The following ZNF529 variants were observed in gnomAD, a reference collection of about 807,000 sequenced individuals.
The protein encoded by ZNF529 is zinc finger protein 529.
ZNF529 carries 11 observed loss-of-function variants against 10.1 expected under a neutral mutation model. That is an observed-to-expected ratio of 1.09 (90% confidence interval 0.69 to 1.81). The LOEUF is 1.81. ZNF529 is among the 40% of genes most tolerant of loss of function. The pLI is 0.00. For missense variants in ZNF529, 624 were observed against 666.8 expected (o/e 0.94, Z 0.71); for synonymous variants, 204 against 215.7 (o/e 0.95, Z 0.47).
intron 1 of ZNF529, among the ~76,000 whole-genome samples, chr19:36,595,867 A>G (rs1161383368): frequency 2.6e-5 from 4 of 151,978 alleles, no homozygotes; most frequent in Non-Finnish European, 5.9e-5. Context: ...ATAAATAAAT[A>G]TATATGGTAC....
rs141671246 is a variant in ZNF529 at position 36,603,899 on chromosome 19, G to A, written c.-128+1227C>T. Among the ~76,000 whole-genome samples, 292 of 152,306 alleles carry A rather than the reference G, an allele frequency of 1.9e-3. 2 individuals carry two copies. Among genetic ancestry groups the A allele is most frequent in the African/African-American group, 6.8e-3 (284 of 41,566 alleles). The stretch of plus-strand genomic sequence containing the variant: ...CAGAGCTTCCAAAAGGGATCTTTTG[G>A]CTAGGCACGGTGGCTCACGCCTGTA... On this transcript the variant is annotated intron_variant, in intron 1 of 4. Transcript: ENST00000585960.
chr19:36,556,131 T>C lies in ZNF529; in HGVS notation c.81A>G (p.Gln27=), dbSNP rs780160827. Residue 27 remains glutamine (Q), a synonymous_variant, in exon 3 of 5, where the codon CAA becomes CAG. Coordinates refer to ENST00000591340, the MANE Select transcript of ZNF529 (RefSeq NM_020951.5). The part of the protein sequence containing the change: ...AVMPEVEFPD[Q]FFTVLTMDHE... ...GGTCCATGGTTAGAACTGTAAAGAA[T>C]TGGTCAGGGAATTCCACTTCTGGCA... 1.3e-6 allele frequency: 2 copies of C among 1,549,630 alleles called. No individual in the cohort carries two copies. Among genetic ancestry groups the C allele is most frequent in the Non-Finnish European group, 1.7e-6 (2 of 1,145,172 alleles).
intron 1 of ZNF529, chr19:36,604,917 C>T (rs1252126909): frequency 1.3e-5 from 2 of 149,030 alleles, no homozygotes. Context: ...CCCCCCGGGA[C>T]CATCACAGGC....
chr19:36,588,384 C>G (rs1483345615), intron 2 of ZNF529, among the ~76,000 whole-genome samples: 1 of 152,054 alleles, frequency 6.6e-6, no homozygotes, highest in African/African-American at 2.4e-5. Context: ...CTCCTAGTGT[C>G]CACTCCCTGC....
chr19:36,604,198 C>A (rs973240778), intron 1 of ZNF529, among the ~76,000 whole-genome samples: 27 of 152,080 alleles, frequency 1.8e-4, no homozygotes, highest in African/African-American at 5.8e-4. Context: ...CACACAAAAT[C>A]TTTGGAGAAA....
intron 2 of ZNF529, among the ~76,000 whole-genome samples, chr19:36,588,025 G>A (rs1369591883): frequency 6.6e-6 from 1 of 152,186 alleles, no homozygotes; most frequent in Non-Finnish European, 1.5e-5. Context: ...GCATGTGCCT[G>A]TAATCCCAGC....
chr19:36,577,384 C>T (rs531772402), upstream of ZNF529: 2 of 294,256 alleles, frequency 6.8e-6, no homozygotes, highest in South Asian at 5.3e-5. Flanking sequence ...CACTGTTTCC[C>T]TTCTAGTCAT....
At chr19:36,575,701 T>C (rs1465668550), upstream of ZNF529, among the ~76,000 whole-genome samples, 1 of 152,156 alleles carries the variant, frequency 6.6e-6, no homozygotes, top group African/African-American at 2.4e-5. Context: ...TACTTTCTTC[T>C]CTACTTCCCC....
In ZNF529 at chr19:36,572,353, C is replaced by T; in HGVS notation, c.-7G>A. The T allele has an allele frequency of 2.5e-5, 39 of 1,550,998 alleles. No homozygotes were observed. Among genetic ancestry groups the T allele is most frequent in the Non-Finnish European group, 3.3e-5 (38 of 1,146,830 alleles). The stretch of plus-strand genomic sequence containing the variant: ...CTAACCTTGAGTTGGCCATTAGTAC[C>T]AATGCTGTCTTCCACTTCAGGGGGC... On this transcript the variant is annotated 5_prime_UTR_variant, in exon 2 of 5. Transcript: ENST00000591340.
At chr19:36,560,633 G>A (rs1400145272) in intron 2 of ZNF529, among the ~76,000 whole-genome samples, 5 of 152,032 alleles carry the variant, frequency 3.3e-5, no homozygotes, top group South Asian at 2.1e-4. Flanking sequence ...TTACAACAAC[G>A]ATTGGTTGAG....
At chr19:36,564,907 T>A (rs893339558) in intron 2 of ZNF529, among the ~76,000 whole-genome samples, 1 of 152,090 alleles carries the variant, frequency 6.6e-6, no homozygotes. Flanking sequence ...TGGAATACCA[T>A]ACATAAAAAA....
At chr19:36,556,759 T>C (rs2035491430) in intron 2 of ZNF529, among the ~76,000 whole-genome samples, 1 of 152,160 alleles carries the variant, frequency 6.6e-6, no homozygotes, top group Non-Finnish European at 1.5e-5. Flanking sequence ...CACGCCATTG[T>C]CCCTACCTCC....
intron 2 of ZNF529, among the ~76,000 whole-genome samples, chr19:36,560,412 A>C (rs953631411): frequency 1.8e-4 from 27 of 152,198 alleles, no homozygotes; most frequent in Admixed American, 1.6e-3. Context: ...ACAGAAATGT[A>C]ATATATTTGC....
chr19:36,569,546 C>T (rs1156586280), intron 2 of ZNF529, among the ~76,000 whole-genome samples: 1 of 152,016 alleles, frequency 6.6e-6, no homozygotes, highest in Admixed American at 6.6e-5. Flanking sequence ...GGGCAAACAA[C>T]ACGAGGCCAG....
chr19:36,560,379 T>A (rs1363938433), intron 2 of ZNF529, among the ~76,000 whole-genome samples: 1 of 152,156 alleles, frequency 6.6e-6, no homozygotes, highest in African/African-American at 2.4e-5. Flanking sequence ...CGTGTACTTA[T>A]GTATTTATTG....
At chr19:36,570,476 G>A (rs765116739) in intron 2 of ZNF529, among the ~76,000 whole-genome samples, 1 of 152,120 alleles carries the variant, frequency 6.6e-6, no homozygotes, top group Non-Finnish European at 1.5e-5. Context: ...CTTCATGTTT[G>A]TATTCGCACA....
In ZNF529 at chr19:36,547,023, C is replaced by T; in HGVS notation, c.1535G>A (p.Gly512Glu). The change falls in exon 5 of 5, where the codon GGG becomes GAG. Residue 512 changes from glycine (G) to glutamate (E), a missense_variant. Coordinates refer to ENST00000591340, the MANE Select transcript of ZNF529 (RefSeq NM_020951.5). ...GGATGAACTATGTCTAAAGGCCTTC[C>T]CACATGCCTTGCATTCATAGGGTTT... Reference protein sequence around the residue: ...GEKPYECKACGKAFRHSSSFT... With the variant: ...GEKPYECKACEKAFRHSSSFT... 1 of 1,613,774 alleles carries T rather than the reference C, an allele frequency of 6.2e-7. No individual in the cohort carries two copies. Among genetic ancestry groups the T allele is most frequent in the South Asian group, 1.1e-5 (1 of 91,052 alleles).
chr19:36,584,276 G>GT (rs962605053), intron 2 of ZNF529, among the ~76,000 whole-genome samples: 1 of 152,082 alleles, frequency 6.6e-6, no homozygotes, highest in African/African-American at 2.4e-5. Flanking sequence ...CAAAGATAAG[G>GT]TTTTTTTCAT....
chr19:36,551,740 T>A (rs1416564178), intron 4 of ZNF529: 3 of 152,206 alleles, frequency 2.0e-5, no homozygotes, highest in African/African-American at 7.2e-5. Context: ...AAAGGAACTG[T>A]GTATCTATAA....
Sources: gnomAD v4.1 joint callset for allele counts (sites outside exome capture counted in the v4.1 genomes callset) on GRCh38, gnomAD v4.1.1 for gene constraint, MANE v1.5 for transcripts, NCBI Gene and HGNC (gene_info 2026-07-23, HGNC 2026-07-21) for gene names.